TENM2: variants seen among roughly 807,000 people sequenced by gnomAD.
TENM2 encodes the protein teneurin transmembrane protein 2.
In TENM2, 52 loss-of-function variants were observed where a neutral mutation model predicts 245.2. The observed-to-expected ratio is 0.21, with a 90% confidence interval of 0.17 to 0.27. The LOEUF (loss-of-function observed/expected upper bound fraction) is 0.27, where lower values mean the gene tolerates loss of function less well. Ranked by LOEUF, TENM2 falls within the 10% of genes least tolerant of loss-of-function variation. The pLI is 1.00. For synonymous variants in TENM2, 1,363 were observed against 1,438.9 expected (o/e 0.95, Z 1.19); for missense variants, 3,046 against 3,666.8 (o/e 0.83, Z 4.37).
At chr5:167,215,746 A>C in the TENM2 span, among the ~76,000 whole-genome samples, 1 of 152,230 alleles carries the variant, frequency 6.6e-6, no homozygotes, top group African/African-American at 2.4e-5. Flanking sequence ...GAAGGGCCAA[A>C]AGATAAGCTA....
At chr5:167,911,963 T>C (rs1364536887) in intron 3 of TENM2, among the ~76,000 whole-genome samples, 1 of 152,222 alleles carries the variant, frequency 6.6e-6, no homozygotes, top group Non-Finnish European at 1.5e-5. Context: ...AATAGCTAAA[T>C]CAAATCAATT....
At chr5:167,732,628 G>A (rs1418125026) in intron 2 of TENM2, among the ~76,000 whole-genome samples, 1 of 152,130 alleles carries the variant, frequency 6.6e-6, no homozygotes, top group African/African-American at 2.4e-5. Flanking sequence ...TAGAAGTGTT[G>A]GGAGGACAAG....
intron 2 of TENM2, among the ~76,000 whole-genome samples, chr5:167,487,898 A>G (rs1252631465): frequency 6.6e-6 from 1 of 152,196 alleles, no homozygotes; most frequent in Non-Finnish European, 1.5e-5. Context: ...TTGCTTTCTC[A>G]CAAATTGTTA....
intron 7 of TENM2, among the ~76,000 whole-genome samples, chr5:168,077,769 A>G (rs1791611026): frequency 6.6e-6 from 1 of 152,096 alleles, no homozygotes; most frequent in Non-Finnish European, 1.5e-5. Flanking sequence ...ATCATTTTTT[A>G]TGGCTGCATA....
rs202213587 is a variant in TENM2 at position 167,344,307 on chromosome 5, C to T, written c.227-30891C>T. On this transcript the variant is annotated intron_variant, in intron 1 of 28. Transcript: ENST00000518659. ...GCACACACACACACACACACACACA[C>T]ACATATATATATATATATATATAGA... is the stretch of plus-strand genomic sequence containing the variant. Among the ~76,000 whole-genome samples the T allele has an allele frequency of 4.9e-3, 308 of 63,386 alleles. 2 individuals carry two copies. The highest frequency in any genetic ancestry group is 0.011 in the African/African-American group (276 of 25,578). The allele number at this position is 63,386 out of a possible 152,430, so 41.6% of individuals were successfully genotyped here.
At chr5:167,369,642 T>C (rs1760283076) in intron 1 of TENM2, among the ~76,000 whole-genome samples, 1 of 146,030 alleles carries the variant, frequency 6.8e-6, no homozygotes, top group African/African-American at 2.7e-5. Flanking sequence ...GGGATTAATT[T>C]TATAAGTGGT....
chr5:167,274,158 C>A, the TENM2 span, among the ~76,000 whole-genome samples: 1 of 152,102 alleles, frequency 6.6e-6, no homozygotes, highest in Non-Finnish European at 1.5e-5. Context: ...TTCTTACACA[C>A]CATCATACCC....
chr5:167,273,835 G>A, the TENM2 span, among the ~76,000 whole-genome samples: 1 of 152,042 alleles, frequency 6.6e-6, no homozygotes, highest in East Asian at 1.9e-4. Context: ...AATTGTAAAT[G>A]ACCTTCCAAA....
chr5:167,542,068 A>G (rs1252475617), intron 2 of TENM2, among the ~76,000 whole-genome samples: 3 of 152,120 alleles, frequency 2.0e-5, no homozygotes, highest in Admixed American at 2.0e-4. Flanking sequence ...GGCAAGTTGT[A>G]TTCAGAGAAG....
chr5:167,921,545 C>T (rs150838655), intron 3 of TENM2, among the ~76,000 whole-genome samples: 177 of 152,224 alleles, frequency 1.2e-3, no homozygotes, highest in African/African-American at 3.9e-3. Flanking sequence ...TGTCAGTCCC[C>T]GCGAGCTTTT....
chr5:167,861,313 A>G (rs1355212795), intron 2 of TENM2, among the ~76,000 whole-genome samples: 1 of 152,206 alleles, frequency 6.6e-6, no homozygotes, highest in East Asian at 1.9e-4. Flanking sequence ...ATAATGTTTC[A>G]GTACCACGGA....
chr5:167,245,185 A>G, the TENM2 span, among the ~76,000 whole-genome samples: 1 of 152,146 alleles, frequency 6.6e-6, no homozygotes, highest in Non-Finnish European at 1.5e-5. Flanking sequence ...TAAAATGCTA[A>G]TATTTGTAAT....
chr5:167,000,261 A>G, the TENM2 span, among the ~76,000 whole-genome samples: 1 of 152,218 alleles, frequency 6.6e-6, no homozygotes, highest in African/African-American at 2.4e-5. Flanking sequence ...GAAATTAGAA[A>G]GATCAAGAAA....
chr5:167,747,023 T>C lies in TENM2; in HGVS notation c.503-128963T>C, dbSNP rs561570093. The stretch of plus-strand genomic sequence containing the variant: ...TTTCATGTAGAAGATGTATATTAAA[T>C]AAAGAGATTAGTTATTAAAATTATG... On this transcript the variant is annotated intron_variant, in intron 2 of 28. Coordinates refer to ENST00000518659, the Ensembl canonical transcript of TENM2. Among the ~76,000 whole-genome samples the C allele has an allele frequency of 3.3e-5, 5 of 152,276 alleles. No individual in the cohort carries two copies. In the East Asian group the frequency reaches 5.8e-4, roughly 18 times the overall value.
chr5:167,312,467 C>CA (rs1042531106), intron 1 of TENM2, among the ~76,000 whole-genome samples: 28 of 151,690 alleles, frequency 1.8e-4, no homozygotes, highest in Middle Eastern at 3.4e-3. Flanking sequence ...ATTCCCAGAA[C>CA]AAAAAAAATG....
At chr5:167,099,704 AC>A in the TENM2 span, among the ~76,000 whole-genome samples, 1 of 152,314 alleles carries the variant, frequency 6.6e-6, no homozygotes, top group Non-Finnish European at 1.5e-5. Flanking sequence ...TCAAAACAAA[AC>A]AAAACAAAAC....
the TENM2 span, among the ~76,000 whole-genome samples, chr5:167,073,020 GC>G: frequency 3.9e-5 from 6 of 152,078 alleles, no homozygotes; most frequent in Admixed American, 1.3e-4. Flanking sequence ...GAAATAGTGT[GC>G]CATAGTCAAA....
At chr5:168,145,266 C>T (rs1355047853) in intron 12 of TENM2, among the ~76,000 whole-genome samples, 7 of 143,934 alleles carry the variant, frequency 4.9e-5, no homozygotes, top group Non-Finnish European at 9.1e-5. Context: ...ATGCCTATGT[C>T]CTGAATGGTA....
intron 2 of TENM2, among the ~76,000 whole-genome samples, chr5:167,535,495 C>T (rs1484852536): frequency 3.9e-5 from 6 of 152,122 alleles, no homozygotes; most frequent in African/African-American, 1.4e-4. Flanking sequence ...GATTTTAATA[C>T]GTCCTCTCCA....
Sources: allele counts gnomAD v4.1 joint callset (sites outside exome capture counted in the v4.1 genomes callset), GRCh38; gene constraint gnomAD v4.1.1; transcripts MANE v1.5; gene names NCBI Gene and HGNC (gene_info 2026-07-23, HGNC 2026-07-21).